The following PLCH1 variants were observed in gnomAD, a reference collection of about 807,000 sequenced individuals.
PLCH1 encodes 1-phosphatidylinositol 4,5-bisphosphate phosphodiesterase eta-1.
PLCH1 carries 60 observed loss-of-function variants against 126.7 expected under a neutral mutation model. The ratio of observed to expected loss-of-function variants is 0.47; its 90% CI spans 0.38 to 0.59. The LOEUF is 0.59. Ranked by LOEUF, PLCH1 falls within the 20% of genes least tolerant of loss-of-function variation. The pLI is 0.00. For missense variants in PLCH1, 1,723 were observed against 2,040.0 expected, an observed-to-expected ratio of 0.84 and a Z score of 2.99; for synonymous variants, 719 against 734.9, an observed-to-expected ratio of 0.98 and a Z score of 0.35.
chr3:155,572,652 C>A (rs1313325102), intron 6 of PLCH1, among the ~76,000 whole-genome samples: 1 of 151,296 alleles, frequency 6.6e-6, no homozygotes, highest in Non-Finnish European at 1.5e-5. Flanking sequence ...TTTTCTATTT[C>A]TTTTTTGTTT....
At chr3:155,631,739 A>G (rs1459216575) in intron 2 of PLCH1, among the ~76,000 whole-genome samples, 2 of 152,202 alleles carry the variant, frequency 1.3e-5, no homozygotes, top group African/African-American at 4.8e-5. Flanking sequence ...CTAGACCTAC[A>G]TCTTCTTTAA....
At chr3:155,517,850 G>C (rs975750708) in intron 11 of PLCH1, among the ~76,000 whole-genome samples, 1 of 152,136 alleles carries the variant, frequency 6.6e-6, no homozygotes, top group Non-Finnish European at 1.5e-5. Context: ...GTGAGGAAAA[G>C]CATGGAGAAA....
chr3:155,495,320 A>C (rs930719268), intron 15 of PLCH1, among the ~76,000 whole-genome samples: 1 of 152,100 alleles, frequency 6.6e-6, no homozygotes, highest in Non-Finnish European at 1.5e-5. Flanking sequence ...TAATGGAGTA[A>C]AGCTCCAAAC....
intron 10 of PLCH1, among the ~76,000 whole-genome samples, chr3:155,527,417 T>G (rs4679748): frequency 0.94 from 142,549 of 152,216 alleles, 67,472 homozygotes; most frequent in African/African-American, 0.99. Flanking sequence ...AGCTTAGTCA[T>G]ATTTTCGGAG....
chr3:155,529,153 T>C (rs180925334), intron 10 of PLCH1, among the ~76,000 whole-genome samples: 2 of 152,346 alleles, frequency 1.3e-5, no homozygotes, highest in East Asian at 3.9e-4. Context: ...GGTCCCTTTC[T>C]GATCTACATA....
chr3:155,730,688 T>C (rs1748705380), intron 1 of PLCH1, among the ~76,000 whole-genome samples: 1 of 152,018 alleles, frequency 6.6e-6, no homozygotes, highest in Non-Finnish European at 1.5e-5. Context: ...GATGGCAAAA[T>C]AAATAACTTC....
intron 8 of PLCH1, among the ~76,000 whole-genome samples, chr3:155,555,941 G>C (rs957173735): frequency 2.7e-4 from 41 of 152,118 alleles, no homozygotes; most frequent in African/African-American, 9.9e-4. Flanking sequence ...ACTACTTACT[G>C]TTAATCATTA....
rs550039851 is a variant in PLCH1, at chr3:155,459,506, T to TTAAATTGAGTGAAAATGTAAAG, written c.2938+25828_2938+25849dup. Among the ~76,000 whole-genome samples the TTAAATTGAGTGAAAATGTAAAG allele has an allele frequency of 2.5e-4, 38 of 152,282 alleles. 1 individual carries two copies. In the East Asian group the frequency reaches 2.5e-3, roughly 10 times the overall value. On this transcript the variant is annotated intron_variant, in intron 21 of 21. Coordinates refer to the PLCH1 transcript ENST00000494598. ...TCGAAGCCTGGATTCACAATGTAAA[T>TTAAATTGAGTGAAAATGTAAAG]TAAATTGAGTGAAAATGTAAAGTAA...
At chr3:155,475,047 T>C (rs573539425), downstream of PLCH1, among the ~76,000 whole-genome samples, 42 of 146,036 alleles carry the variant, frequency 2.9e-4, no homozygotes, top group East Asian at 1.4e-3. Flanking sequence ...CTGCACAATG[T>C]GCACATGTAC....
chr3:155,467,689 C>T (rs1025538459), intron 21 of PLCH1, among the ~76,000 whole-genome samples: 4 of 152,216 alleles, frequency 2.6e-5, no homozygotes, highest in Admixed American at 6.5e-5. Context: ...GAGAGAGAGG[C>T]ATGACATATT....
chr3:155,564,464 C>A (rs552237116), intron 8 of PLCH1, among the ~76,000 whole-genome samples: 36 of 152,184 alleles, frequency 2.4e-4, no homozygotes, highest in African/African-American at 8.4e-4. Context: ...ACTTGGGAGG[C>A]TGAGGAAGGA....
chr3:155,519,190 G>A (rs904655801), intron 11 of PLCH1, among the ~76,000 whole-genome samples: 9 of 152,122 alleles, frequency 5.9e-5, no homozygotes, highest in Non-Finnish European at 1.0e-4. Flanking sequence ...ACTTGACCTC[G>A]AGACCTATCA....
intron 2 of PLCH1, among the ~76,000 whole-genome samples, chr3:155,636,832 T>C (rs930610212): frequency 6.6e-6 from 1 of 152,084 alleles, no homozygotes; most frequent in Non-Finnish European, 1.5e-5. Flanking sequence ...ATGAGATAAG[T>C]ATGCTTATCT....
chr3:155,460,837 GATA>G (rs1560028462), intron 21 of PLCH1, among the ~76,000 whole-genome samples: 1 of 148,410 alleles, frequency 6.7e-6, no homozygotes, highest in East Asian at 2.0e-4. Flanking sequence ...TAGATAGATA[GATA>G]GATAGTGGTG....
intron 2 of PLCH1, among the ~76,000 whole-genome samples, chr3:155,659,226 A>G (rs1741800553): frequency 6.9e-6 from 1 of 144,744 alleles, no homozygotes; most frequent in African/African-American, 2.6e-5. Flanking sequence ...AACTAAGGAG[A>G]CTTCCCAAGC....
intron 2 of PLCH1, among the ~76,000 whole-genome samples, chr3:155,644,835 T>C (rs1739836054): frequency 6.6e-6 from 1 of 152,204 alleles, no homozygotes. Flanking sequence ...AGGCTCCTTT[T>C]TTAGAAATCA....
intron 1 of PLCH1, among the ~76,000 whole-genome samples, chr3:155,724,843 G>GTGTGTGTGTA (rs1359545352): frequency 1.3e-5 from 2 of 151,470 alleles, no homozygotes; most frequent in African/African-American, 4.9e-5. Flanking sequence ...GTGTGTGTGT[G>GTGTGTGTGTA]TGTGTGTGTG....
intron 6 of PLCH1, among the ~76,000 whole-genome samples, chr3:155,580,757 C>T (rs1044111085): frequency 1.4e-4 from 22 of 151,928 alleles, no homozygotes; most frequent in Non-Finnish European, 3.1e-4. Context: ...AAATACGGCA[C>T]GATAATTGTA....
At chr3:155,614,459 A>T (rs770992757) in intron 2 of PLCH1, among the ~76,000 whole-genome samples, 46 of 152,192 alleles carry the variant, frequency 3.0e-4, no homozygotes, top group Non-Finnish European at 5.6e-4. Flanking sequence ...ACACAGACCA[A>T]TAGAACAGAA....
Sources: gnomAD v4.1 joint callset for allele counts (sites outside exome capture counted in the v4.1 genomes callset) on GRCh38, gnomAD v4.1.1 for gene constraint, MANE v1.5 for transcripts, NCBI Gene and HGNC (gene_info 2026-07-23, HGNC 2026-07-21) for gene names.